Variants in UMOD observed in about 807,000 individuals in gnomAD.
UMOD encodes the protein uromodulin.
A neutral mutation model predicts 66.0 loss-of-function variants in UMOD; 64 were observed. The observed-to-expected ratio is 0.97, with a 90% CI of 0.79 to 1.19. UMOD has a LOEUF of 1.19. Among genes scored for constraint, UMOD ranks in the 50% most tolerant of loss-of-function variants. The pLI, the probability that UMOD is intolerant of heterozygous loss-of-function variation, is 0.00. For synonymous variants in UMOD, 398 were observed against 352.7 expected (o/e 1.13, Z -1.44); for missense variants, 764 against 850.9 (o/e 0.90, Z 1.27).
At chr16:20,349,874 G>A (rs1965805911) in intron 2 of UMOD, 5 of 1,520,544 alleles carry the variant, frequency 3.3e-6, no homozygotes, top group African/African-American at 2.9e-5. Flanking sequence ...TTGTTCCTCC[G>A]TAATAAAAAT....
At chr16:20,350,006 T>A in intron 2 of UMOD, 1 of 873,944 alleles carries the variant, frequency 1.1e-6, no homozygotes. Flanking sequence ...TGAGGTCAGT[T>A]TTTTATGTAT....
intron 6 of UMOD, among the ~76,000 whole-genome samples, chr16:20,341,842 A>C (rs114924681): frequency 8.1e-4 from 124 of 152,352 alleles, no homozygotes; most frequent in African/African-American, 2.8e-3. Flanking sequence ...CATCTATATC[A>C]GAAGATTGAG....
chr16:20,340,822 C>T (rs1965165584), intron 7 of UMOD, among the ~76,000 whole-genome samples: 1 of 151,738 alleles, frequency 6.6e-6, no homozygotes, highest in Admixed American at 6.6e-5. Flanking sequence ...GGTGAAACCC[C>T]ATCTCTACTA....
chr16:20,340,178 A>G (rs993269582), intron 7 of UMOD, among the ~76,000 whole-genome samples: 2 of 152,208 alleles, frequency 1.3e-5, no homozygotes, highest in African/African-American at 4.8e-5. Flanking sequence ...TATAAAGGAA[A>G]TCAATTAAAT....
intron 7 of UMOD, among the ~76,000 whole-genome samples, chr16:20,340,403 A>G (rs1047508038): frequency 9.9e-5 from 15 of 151,656 alleles, no homozygotes; most frequent in African/African-American, 3.4e-4. Context: ...ACGACCAAAA[A>G]AAAAGACATT....
chr16:20,352,338 C>T (rs1022840531), intron 1 of UMOD, among the ~76,000 whole-genome samples: 4 of 152,160 alleles, frequency 2.6e-5, no homozygotes, highest in South Asian at 2.1e-4. Context: ...TAATAAGATG[C>T]GACCTAAAAC....
chr16:20,336,096 T>C (rs751157758), intron 9 of UMOD, among the ~76,000 whole-genome samples: 1 of 152,144 alleles, frequency 6.6e-6, no homozygotes, highest in Non-Finnish European at 1.5e-5. Context: ...GAAATTAAGG[T>C]TTAGGAGTCA....
upstream of UMOD, among the ~76,000 whole-genome samples, chr16:20,354,163 C>T (rs1417940790): frequency 6.6e-6 from 1 of 152,104 alleles, no homozygotes; most frequent in Non-Finnish European, 1.5e-5. Context: ...CATTGATGGA[C>T]ATTTGAGTTG....
At position 20,348,901 on chromosome 16, in the gene UMOD, AG is replaced by A. The variant is rs1965745855; in HGVS notation, c.399del (p.Leu134CysfsTer110). On this transcript the variant is annotated frameshift_variant, in exon 3 of 11. Coordinates refer to ENST00000396138, the MANE Select transcript of UMOD (RefSeq NM_003361.4). LOFTEE classifies it high-confidence loss of function. ...LATCVNVVGS[Y>X]LCVCPAGYRG... ...CGGTAGCCCGCGGGGCATACGCACA[AG>A]TAGCTGCCCACCACATTGACACATG... 2 of 1,559,302 alleles carry A rather than the reference AG, an allele frequency of 1.3e-6. No homozygotes were observed. The highest frequency in any genetic ancestry group is 2.7e-5 in the African/African-American group (2 of 73,746).
Position 20,350,699 on chromosome 16 carries a change from C to T in UMOD, c.39G>A (p.Val13=), listed in dbSNP as rs1316414108. ...CAGTTGTGATGAACCAAGAGGCCAC[C>T]ACCACCATCAGCATCCAAGTCAGAG... ...QPSLTWMLMV[V]VASWFITTAA... Residue 13 remains valine, a synonymous_variant, in exon 2 of 11, where the codon GTG becomes GTA. Coordinates refer to ENST00000396138, the MANE Select transcript of UMOD (RefSeq NM_003361.4). 1.2e-6 allele frequency: 2 copies of T among 1,614,040 alleles called. No homozygotes were observed. The highest frequency in any genetic ancestry group is 3.3e-5 in the Admixed American group (2 of 59,994).
rs1964941633 is a variant in UMOD at position 20,337,380 on chromosome 16, G to A, written c.1651C>T (p.Gln551Ter). The change falls in exon 8 of 11, where the codon CAG becomes TAG. Residue 551 changes from glutamine (Q) to a stop codon, truncating the protein, a stop_gained. Transcript: ENST00000396138. LOFTEE classifies it high-confidence loss of function. ...TAGTTTCCAGCAAACCGGAACATCT[G>A]GACGGAAAATCGGCCCTGGGAGGAC... ...GESSQGRFSV[Q>*]MFRFAGNYDL... 1.2e-6 allele frequency: 2 copies of A among 1,614,074 alleles called. No individual in the cohort carries two copies. Among genetic ancestry groups the A allele is most frequent in the Non-Finnish European group, 1.7e-6 (2 of 1,180,054 alleles).
At chr16:20,343,081 G>A (rs1965327228) in intron 6 of UMOD, among the ~76,000 whole-genome samples, 2 of 152,034 alleles carry the variant, frequency 1.3e-5, no homozygotes, top group African/African-American at 4.8e-5. Context: ...AGTGAGCCAA[G>A]ATCATGCCAT....
At chr16:20,353,878 G>A (rs951900244), upstream of UMOD, among the ~76,000 whole-genome samples, 2 of 151,992 alleles carry the variant, frequency 1.3e-5, no homozygotes, top group African/African-American at 4.8e-5. Flanking sequence ...TTTACATTAG[G>A]TATAACTCCT....
intron 7 of UMOD, among the ~76,000 whole-genome samples, chr16:20,339,551 A>T (rs754981105): frequency 6.6e-6 from 1 of 152,204 alleles, no homozygotes. Flanking sequence ...TTTTTATTGC[A>T]AAGGGAGATT....
intron 4 of UMOD, among the ~76,000 whole-genome samples, chr16:20,347,946 G>A (rs1965674945): frequency 1.3e-5 from 2 of 152,158 alleles, no homozygotes; most frequent in South Asian, 4.1e-4. Flanking sequence ...AGCAACGTGG[G>A]TGCCCACTGT....
rs367785364 is a variant in UMOD, at chr16:20,346,093, C to T, written c.1182+33G>A. The T allele has an allele frequency of 9.4e-6, 15 of 1,592,470 alleles. No individual in the cohort carries two copies. The Admixed American group carries it at 1.8e-4, about 19-fold the overall frequency. On this transcript the variant is annotated intron_variant, in intron 5 of 10. Transcript: ENST00000396138. ...GAGCTGAAGCTTGAACCAGGCAGTG[C>T]TCTGGTTCTGTCCCCCACTGGCCAG...
chr16:20,343,151 A>ATAAATAAATAAATAATTAATTAAT, intron 6 of UMOD, among the ~76,000 whole-genome samples: 1 of 151,442 alleles, frequency 6.6e-6, no homozygotes, highest in East Asian at 1.9e-4. Flanking sequence ...AAATAAATAA[A>ATAAATAAATAAATAATTAATTAAT]TAAATAATCA....
At chr16:20,343,679 C>T (rs1461674853) in intron 6 of UMOD, among the ~76,000 whole-genome samples, 1 of 152,184 alleles carries the variant, frequency 6.6e-6, no homozygotes, top group Non-Finnish European at 1.5e-5. Flanking sequence ...TACTATTAAA[C>T]CCATTTCACA....
Position 20,337,370 on chromosome 16 carries a change from C to T in UMOD, c.1661G>A (p.Arg554Gln), listed in dbSNP as rs199633513. ...GACTAGGTCATAGTTTCCAGCAAAC[C>T]GGAACATCTGGACGGAAAATCGGCC... ...SQGRFSVQMFRFAGNYDLVYL... is the reference protein window; with the variant it reads ...SQGRFSVQMFQFAGNYDLVYL... Residue 554 changes from arginine to glutamine, a missense_variant, in exon 8 of 11, where the codon CGG (arginine) becomes CAG (glutamine). Coordinates refer to ENST00000396138, the MANE Select transcript of UMOD (RefSeq NM_003361.4). 44 of 1,614,152 alleles carry T rather than the reference C, an allele frequency of 2.7e-5. No homozygotes were observed. Among genetic ancestry groups the T allele is most frequent in the South Asian group, 5.5e-5 (5 of 91,078 alleles).
Sources: allele counts gnomAD v4.1 joint callset (sites outside exome capture counted in the v4.1 genomes callset), GRCh38; gene constraint gnomAD v4.1.1; transcripts MANE v1.5; gene names NCBI Gene and HGNC (gene_info 2026-07-23, HGNC 2026-07-21).